Variants in C6orf132 observed in about 807,000 individuals in gnomAD.
The protein encoded by C6orf132 is uncharacterized protein C6orf132.
Under a neutral mutation model 65.3 loss-of-function variants are expected in C6orf132, and 43 were observed. The ratio of observed to expected loss-of-function variants is 0.66; its 90% CI spans 0.52 to 0.85. C6orf132 has a LOEUF of 0.85. Among genes scored for constraint, C6orf132 ranks in the 40% least tolerant of loss-of-function variants. The pLI is 0.00. For synonymous variants in C6orf132, 631 were observed against 654.1 expected, an observed-to-expected ratio of 0.96 and a Z score of 0.54; for missense variants, 1,488 against 1,548.8, an observed-to-expected ratio of 0.96 and a Z score of 0.66.
At position 42,105,691 on chromosome 6, in the gene C6orf132, T is replaced by G; in HGVS notation, c.2221A>C (p.Thr741Pro). Residue 741 changes from threonine to proline, a missense_variant, in exon 4 of 5, where the codon ACT becomes CCT. By Grantham distance (38) the Thr-to-Pro change is conservative (BLOSUM62 -1). Transcript: ENST00000341865. ...CGGGCTCCCTGTGTGGGCAGCCTAG[T>G]GGCCTCTGAGGGGGACCCCTCTCCC... ...ARGEGSPSEA[T>P]RLPTQGARSS... The G allele has an allele frequency of 1.3e-6, 2 of 1,537,292 alleles. No homozygotes were observed. The highest frequency in any genetic ancestry group is 1.7e-6 in the Non-Finnish European group (2 of 1,146,918).
intron 1 of C6orf132, among the ~76,000 whole-genome samples, chr6:42,133,524 G>A (rs1374448665): frequency 6.6e-6 from 1 of 152,190 alleles, no homozygotes; most frequent in Non-Finnish European, 1.5e-5. Flanking sequence ...GAGAAAGAGA[G>A]TCCTGGGGCA....
At chr6:42,115,289 C>CA (rs58397911) in intron 2 of C6orf132, among the ~76,000 whole-genome samples, 3,787 of 73,344 alleles carry the variant, frequency 0.052, 85 homozygotes, top group Middle Eastern at 0.12. Flanking sequence ...GACTCCATCT[C>CA]AAAAAAAAAA....
chr6:42,104,352 C>T lies in C6orf132; in HGVS notation c.3449+111G>A. The T allele has an allele frequency of 8.2e-7, 1 of 1,222,936 alleles. No homozygotes were observed. The highest frequency in any genetic ancestry group is 1.0e-6 in the Non-Finnish European group (1 of 982,598). 75.8% of individuals were successfully genotyped at this position (1,222,936 alleles called of 1,614,324 possible). On this transcript the variant is annotated intron_variant, in intron 4 of 4. Transcript: ENST00000341865. This position sits in a 1 kb window ranked among gnomAD's most constrained non-coding sequence, Gnocchi z 4.1. ...TCCCTCCCGCGTTCTACCTGCAAGG[C>T]CGAAGGGAGAAAACCAAATGTTTTC...
rs1370877511 is a variant in C6orf132, at chr6:42,142,289, G to C, written c.145+11C>G. The C allele has an allele frequency of 1.3e-6, 2 of 1,548,874 alleles. No individual in the cohort carries two copies. Among genetic ancestry groups the C allele is most frequent in the East Asian group, 2.5e-5 (1 of 40,786 alleles). On this transcript the variant is annotated intron_variant, in intron 1 of 4. Transcript: ENST00000341865. ...CCCCGCCCCAGCGCCCTCCGTCCCC[G>C]GAGTACTCACCGAAGCCCCCGGTCC...
At chr6:42,118,297 T>G (rs1291838322) in intron 2 of C6orf132, among the ~76,000 whole-genome samples, 1 of 152,086 alleles carries the variant, frequency 6.6e-6, no homozygotes, top group African/African-American at 2.4e-5. Context: ...GTTCTCAAAG[T>G]TCTTTTCCAG....
chr6:42,107,250 A>T lies in C6orf132; in HGVS notation c.662T>A (p.Leu221Ter). 1 of 796,594 alleles carries T rather than the reference A, an allele frequency of 1.3e-6. No individual in the cohort carries two copies. The highest frequency in any genetic ancestry group is 1.6e-6 in the Non-Finnish European group (1 of 610,334). 49.3% of individuals were successfully genotyped at this position (796,594 alleles called of 1,614,324 possible). The change falls in exon 4 of 5, where the codon TTG becomes TAG. Residue 221 changes from leucine (L) to a stop codon, truncating the protein, a stop_gained. Transcript: ENST00000341865. LOFTEE classifies it high-confidence loss of function. ...PPDFIPPAPPLAFLAPPPPPV... is the reference protein window; with the variant it reads ...PPDFIPPAPP ...AGGCGGTGGGGGGGCTAGAAAGGCC[A>T]AGGGTGGGGCAGGGGGAATGAAGTC...
chr6:42,105,981 T>C lies in C6orf132; in HGVS notation c.1931A>G (p.Lys644Arg). ...TGGTATGGCTGGCTCAGGTGTGGCC[T>C]TGGGTGGTATGGCTGGTCCCAACAT... ...KAMLGPAIPP[K>R]ATPEPAIPPK... Residue 644 changes from lysine to arginine, a missense_variant, in exon 4 of 5, where the codon AAG becomes AGG. Coordinates refer to ENST00000341865, the MANE Select transcript of C6orf132 (RefSeq NM_001164446.3). 1 of 1,537,144 alleles carries C rather than the reference T, an allele frequency of 6.5e-7. No individual in the cohort carries two copies. Among genetic ancestry groups the C allele is most frequent in the Non-Finnish European group, 8.7e-7 (1 of 1,146,874 alleles).
rs1477871029 is a variant in C6orf132, at chr6:42,103,272, T to A, written c.*489A>T. 2 of 393,490 alleles carry A rather than the reference T, an allele frequency of 5.1e-6. No individual in the cohort carries two copies. The highest frequency in any genetic ancestry group is 9.0e-5 in the Admixed American group (2 of 22,336). 24.4% of individuals were successfully genotyped at this position (393,490 alleles called of 1,614,324 possible). On this transcript the variant is annotated 3_prime_UTR_variant, in exon 5 of 5. Coordinates refer to ENST00000341865, the MANE Select transcript of C6orf132 (RefSeq NM_001164446.3). ...GATGGCAGGTGATGGAGGCTAAAGA[T>A]CTCCCTTCGGTGCCCTGCACACCCA... is the stretch of plus-strand genomic sequence containing the variant.
chr6:42,120,190 A>G (rs1562037726), intron 2 of C6orf132, among the ~76,000 whole-genome samples: 1 of 152,034 alleles, frequency 6.6e-6, no homozygotes, highest in African/African-American at 2.4e-5. Flanking sequence ...GGTGGAGGAA[A>G]CTACCATTCC....
intron 1 of C6orf132, among the ~76,000 whole-genome samples, chr6:42,140,810 T>C (rs548886141): frequency 2.6e-5 from 4 of 152,254 alleles, no homozygotes; most frequent in South Asian, 4.1e-4. Flanking sequence ...GATTTTAGAA[T>C]GGCATCTTGC....
At chr6:42,141,758 TC>T (rs1244388886) in intron 1 of C6orf132, among the ~76,000 whole-genome samples, 1 of 152,146 alleles carries the variant, frequency 6.6e-6, no homozygotes, top group African/African-American at 2.4e-5. Flanking sequence ...TGTTGTTTTT[TC>T]CTGGGCCTCA....
At chr6:42,115,058 T>C (rs1766545055) in intron 2 of C6orf132, among the ~76,000 whole-genome samples, 1 of 147,374 alleles carries the variant, frequency 6.8e-6, no homozygotes, top group African/African-American at 2.5e-5. Context: ...CCCAGAACTT[T>C]GGGAGGCTGA....
At chr6:42,109,077 A>G (rs1766458044) in intron 3 of C6orf132, among the ~76,000 whole-genome samples, 1 of 152,194 alleles carries the variant, frequency 6.6e-6, no homozygotes, top group Non-Finnish European at 1.5e-5. Flanking sequence ...TTATTATCAC[A>G]TTAGAGGATG....
intron 1 of C6orf132, among the ~76,000 whole-genome samples, chr6:42,129,230 C>T (rs1014542680): frequency 5.9e-5 from 9 of 152,206 alleles, no homozygotes; most frequent in East Asian, 1.9e-4. Context: ...ACCTGCTGTC[C>T]GCAGTGGCCA....
chr6:42,120,170 A>G (rs940731244), intron 2 of C6orf132, among the ~76,000 whole-genome samples: 1 of 152,090 alleles, frequency 6.6e-6, no homozygotes, highest in Non-Finnish European at 1.5e-5. Flanking sequence ...ATGATTAGGG[A>G]GGAAGCATGG....
intron 1 of C6orf132, among the ~76,000 whole-genome samples, chr6:42,132,923 C>T (rs1384173948): frequency 6.6e-6 from 1 of 151,502 alleles, no homozygotes; most frequent in Non-Finnish European, 1.5e-5. Flanking sequence ...GGCCAACTCT[C>T]TGGGCCCCTC....
chr6:42,123,524 TGGA>T (rs1205066564), intron 2 of C6orf132, among the ~76,000 whole-genome samples: 30 of 137,828 alleles, frequency 2.2e-4, no homozygotes, highest in Admixed American at 1.6e-3. Context: ...GAGAGGGAGG[TGGA>T]GGAGGAGGAG....
intron 3 of C6orf132, among the ~76,000 whole-genome samples, chr6:42,109,780 A>G (rs1766468209): frequency 6.6e-6 from 1 of 152,184 alleles, no homozygotes; most frequent in Non-Finnish European, 1.5e-5. Context: ...GACAGACATG[A>G]CATACATCCC....
At chr6:42,134,144 C>T (rs542394711) in intron 1 of C6orf132, among the ~76,000 whole-genome samples, 20 of 152,196 alleles carry the variant, frequency 1.3e-4, no homozygotes, top group African/African-American at 4.1e-4. Context: ...CTGGCTGGGA[C>T]GGGAGGCAGG....
Sources: allele counts gnomAD v4.1 joint callset (sites outside exome capture counted in the v4.1 genomes callset), GRCh38; gene constraint gnomAD v4.1.1; non-coding constraint Gnocchi (gnomAD v3.1); transcripts MANE v1.5; gene names NCBI Gene and HGNC (gene_info 2026-07-23, HGNC 2026-07-21).